The following CSRNP3 variants were observed in gnomAD, a reference collection of about 807,000 sequenced individuals.
The protein encoded by CSRNP3 is cysteine and serine rich nuclear protein 3.
CSRNP3 carries 12 observed loss-of-function variants against 48.0 expected under a neutral mutation model. The ratio of observed to expected loss-of-function variants is 0.25; its 90% CI spans 0.16 to 0.41. The LOEUF (loss-of-function observed/expected upper bound fraction) is 0.41. Among genes scored for constraint, CSRNP3 ranks in the 10% least tolerant of loss-of-function variants. The pLI is 1.00. For synonymous variants in CSRNP3, 263 were observed against 269.7 expected, an observed-to-expected ratio of 0.98 and a Z score of 0.24; for missense variants, 580 against 724.4, an observed-to-expected ratio of 0.80 and a Z score of 2.29.
rs77638175 is a variant in CSRNP3, at chr2:165,609,544, A to T, written c.148+14331A>T. On this transcript the variant is annotated intron_variant, in intron 4 of 6. Coordinates refer to ENST00000651982, the MANE Select transcript of CSRNP3 (RefSeq NM_001172173.2). ...GGTTTTCTTATCTATAAATACTGAT[A>T]AAAAAAAAAGTACACTGTCTGCCTT... 3.0e-4 allele frequency among the ~76,000 whole-genome samples: 35 copies of T among 118,632 alleles called. No homozygotes were observed. In the East Asian group the frequency reaches 8.0e-3, roughly 27 times the overall value. The allele number at this position is 118,632 out of a possible 152,430, so 77.8% of individuals were successfully genotyped here.
At chr2:165,601,208 A>C (rs956972499) in intron 4 of CSRNP3, among the ~76,000 whole-genome samples, 7 of 152,300 alleles carry the variant, frequency 4.6e-5, no homozygotes, top group Admixed American at 2.6e-4. Context: ...ATCAGCCTGT[A>C]CTTGAGCACT....
At chr2:165,490,221 C>T (rs1429253461) in intron 1 of CSRNP3, among the ~76,000 whole-genome samples, 1 of 151,016 alleles carries the variant, frequency 6.6e-6, no homozygotes, top group East Asian at 1.9e-4. Context: ...GAATAAAAAA[C>T]CTAGGAATCC....
chr2:165,599,336 A>AAAGAAAGGAAAAG (rs1163054977), intron 4 of CSRNP3, among the ~76,000 whole-genome samples: 308 of 151,602 alleles, frequency 2.0e-3, no homozygotes, highest in African/African-American at 7.1e-3. Context: ...AAAGGAAAAG[A>AAAGAAAGGAAAAG]AAAAAAGAAA....
intron 4 of CSRNP3, among the ~76,000 whole-genome samples, chr2:165,599,278 AG>A (rs1282339279): frequency 3.2e-5 from 3 of 92,894 alleles, no homozygotes; most frequent in African/African-American, 1.1e-4. Flanking sequence ...AAAGAAAGAG[AG>A]AGAGAGAAAG....
At position 165,611,108 on chromosome 2, in the gene CSRNP3, A is replaced by AGAGG. The variant is rs1261209381; in HGVS notation, c.148+15908_148+15911dup. On this transcript the variant is annotated intron_variant, in intron 4 of 6. Coordinates refer to ENST00000651982, the MANE Select transcript of CSRNP3 (RefSeq NM_001172173.2). ...TAGTAACCTGATGCTTAAAAGTTGA[A>AGAGG]GAGGGAGGGAGGGAGGAGGGAAGGA... Among the ~76,000 whole-genome samples the AGAGG allele has an allele frequency of 1.8e-4, 28 of 152,230 alleles. 1 individual carries two copies. The highest frequency in any genetic ancestry group is 3.9e-4 in the Admixed American group (6 of 15,276).
At chr2:165,530,695 T>G (rs537741670) in intron 3 of CSRNP3, among the ~76,000 whole-genome samples, 19 of 152,226 alleles carry the variant, frequency 1.2e-4, no homozygotes, top group South Asian at 6.2e-4. Flanking sequence ...TTCTGCTGCT[T>G]CTCTATTTTT....
intron 4 of CSRNP3, among the ~76,000 whole-genome samples, chr2:165,626,660 A>G (rs536654400): frequency 6.6e-6 from 1 of 152,308 alleles, no homozygotes; most frequent in African/African-American, 2.4e-5. Flanking sequence ...TGTTGCTGCT[A>G]CCTCGTGTTC....
intron 2 of CSRNP3, among the ~76,000 whole-genome samples, chr2:165,515,370 T>C (rs1232396746): frequency 6.7e-6 from 1 of 150,050 alleles, no homozygotes; most frequent in African/African-American, 2.4e-5. Context: ...TAAATTTAGA[T>C]CACTAGATTT....
rs568083276 is a variant in CSRNP3, at chr2:165,679,525, T to C, written c.1530T>C (p.Asp510=). 1.2e-5 allele frequency: 19 copies of C among 1,613,790 alleles called. No individual in the cohort carries two copies. In the African/African-American group the frequency reaches 2.4e-4, roughly 20 times the overall value. The change falls in exon 7 of 7, where the codon GAT becomes GAC. Residue 510 remains aspartate (D), a synonymous_variant. Coordinates refer to ENST00000651982, the MANE Select transcript of CSRNP3 (RefSeq NM_001172173.2). ...VIVCCSSSEN[D]SGVPCNSLYP... ...TTTGCTGCTCCTCTTCCGAAAATGA[T>C]AGCGGTGTGCCCTGCAATAGTTTAT...
chr2:165,517,694 A>G (rs984714755), intron 2 of CSRNP3, among the ~76,000 whole-genome samples, 179 bp from the exon 3 acceptor site: 7 of 151,794 alleles, frequency 4.6e-5, no homozygotes, highest in Admixed American at 3.9e-4. Flanking sequence ...CTAAGAAAAA[A>G]TTTTCTTTGC....
At position 165,679,804 on chromosome 2, in the gene CSRNP3, T is replaced by A. The variant is rs1356359758; in HGVS notation, c.*51T>A. 6.4e-7 allele frequency: 1 copy of A among 1,551,730 alleles called. No homozygotes were observed. The highest frequency in any genetic ancestry group is 8.7e-7 in the Non-Finnish European group (1 of 1,149,754). ...TCTTCTCTTATTTAAGGCACTGTATTTAATTGGATTTCCTGGGCTCATCAT... is the reference window on the plus strand; with the variant it reads ...TCTTCTCTTATTTAAGGCACTGTATATAATTGGATTTCCTGGGCTCATCAT... On this transcript the variant is annotated 3_prime_UTR_variant, in exon 7 of 7. Coordinates refer to ENST00000651982, the MANE Select transcript of CSRNP3 (RefSeq NM_001172173.2).
At chr2:165,623,075 C>A (rs1298913873) in intron 4 of CSRNP3, among the ~76,000 whole-genome samples, 1 of 152,026 alleles carries the variant, frequency 6.6e-6, no homozygotes, top group East Asian at 1.9e-4. Context: ...ATATTTAAAA[C>A]ATAAATAAAT....
intron 5 of CSRNP3, among the ~76,000 whole-genome samples, chr2:165,668,732 G>A (rs949055294): frequency 1.3e-5 from 2 of 152,162 alleles, no homozygotes; most frequent in Non-Finnish European, 2.9e-5. Context: ...GCTATTTCTA[G>A]GGAAGCTTAT....
intron 5 of CSRNP3, among the ~76,000 whole-genome samples, chr2:165,666,260 G>T (rs1687198022): frequency 8.1e-6 from 1 of 123,200 alleles, no homozygotes; most frequent in East Asian, 2.7e-4. Context: ...AAGAAAGAAA[G>T]ACAGAGAGAG....
chr2:165,508,542 C>T (rs946500239), intron 2 of CSRNP3, among the ~76,000 whole-genome samples: 1 of 151,942 alleles, frequency 6.6e-6, no homozygotes, highest in African/African-American at 2.4e-5. Flanking sequence ...CTTGCCCCTG[C>T]GAGTAACTCT....
In CSRNP3 at chr2:165,672,912, C is replaced by T. The variant is rs74802857; in HGVS notation, c.409-3400C>T. On this transcript the variant is annotated intron_variant, in intron 5 of 6. Coordinates refer to ENST00000651982, the MANE Select transcript of CSRNP3 (RefSeq NM_001172173.2). ...GATAGCAGGGAATAGGAATATGTCT[C>T]GAAGGCTACACACCAAACCAGAAAC... 5.6e-3 allele frequency among the ~76,000 whole-genome samples: 852 copies of T among 152,132 alleles called. 11 individuals are homozygous for T. The highest frequency in any genetic ancestry group is 0.02 in the African/African-American group (821 of 41,494).
chr2:165,536,972 T>A (rs1247846724), intron 3 of CSRNP3, among the ~76,000 whole-genome samples: 1 of 151,898 alleles, frequency 6.6e-6, no homozygotes, highest in Non-Finnish European at 1.5e-5. Context: ...CTGTGTATGG[T>A]ATTCTCCAAA....
At chr2:165,516,738 C>A (rs370465496) in intron 2 of CSRNP3, among the ~76,000 whole-genome samples, 4 of 152,102 alleles carry the variant, frequency 2.6e-5, no homozygotes, top group African/African-American at 9.7e-5. Context: ...TAATTCCAAT[C>A]ACAATTTGAT....
intron 5 of CSRNP3, among the ~76,000 whole-genome samples, chr2:165,667,748 T>TA (rs1186433816): frequency 1.3e-5 from 2 of 152,230 alleles, no homozygotes; most frequent in Admixed American, 1.3e-4. Flanking sequence ...TGTGACTTTG[T>TA]ACCTAGCCTT....
Sources: allele counts gnomAD v4.1 joint callset (sites outside exome capture counted in the v4.1 genomes callset), GRCh38; gene constraint gnomAD v4.1.1; transcripts MANE v1.5; gene names NCBI Gene and HGNC (gene_info 2026-07-23, HGNC 2026-07-21).